OSBPL10: variants seen among roughly 807,000 people sequenced by gnomAD.
OSBPL10 encodes the protein oxysterol binding protein like 10.
In OSBPL10, 49 loss-of-function variants were observed where a neutral mutation model predicts 81.7. The observed-to-expected ratio is 0.60, with a 90% CI of 0.48 to 0.76. The LOEUF is 0.76. OSBPL10 is among the 30% of genes least tolerant of loss of function. The pLI, the probability that OSBPL10 is intolerant of heterozygous loss-of-function variation, is 0.00. For missense variants in OSBPL10, 923 were observed against 987.8 expected (o/e 0.93, Z 0.88); for synonymous variants, 419 against 383.6 (o/e 1.09, Z -1.08).
At chr3:31,840,367 T>G (rs1700461834) in intron 3 of OSBPL10, among the ~76,000 whole-genome samples, 1 of 152,178 alleles carries the variant, frequency 6.6e-6, no homozygotes, top group Non-Finnish European at 1.5e-5. Flanking sequence ...ATTATCTCCT[T>G]CCCAAATGCT....
intron 8 of OSBPL10, among the ~76,000 whole-genome samples, chr3:31,671,508 C>T (rs1212083219): frequency 3.3e-5 from 5 of 152,060 alleles, no homozygotes; most frequent in Non-Finnish European, 7.4e-5. Flanking sequence ...AGGGGTCAGA[C>T]CTTGTCTTTT....
chr3:32,030,764 T>TA (rs1337054126), intron 2 of OSBPL10: 1 of 625,276 alleles, frequency 1.6e-6, no homozygotes, highest in African/African-American at 1.9e-5. Context: ...TTAAGTTACA[T>TA]AAAATATTCT....
chr3:31,824,211 A>C (rs1700047747), intron 4 of OSBPL10, among the ~76,000 whole-genome samples: 2 of 152,130 alleles, frequency 1.3e-5, no homozygotes, highest in Non-Finnish European at 2.9e-5. Context: ...GTTGGGCCTG[A>C]AGAAACAGGA....
intron 7 of OSBPL10, among the ~76,000 whole-genome samples, chr3:31,702,079 T>C (rs1191203277): frequency 6.6e-6 from 1 of 152,088 alleles, no homozygotes; most frequent in Non-Finnish European, 1.5e-5. Context: ...TTCCATACCA[T>C]CTCATATGCT....
chr3:32,056,062 T>G (rs186392187), intron 1 of OSBPL10, among the ~76,000 whole-genome samples: 1 of 152,348 alleles, frequency 6.6e-6, no homozygotes, highest in African/African-American at 2.4e-5. Flanking sequence ...AAGCCAGGTA[T>G]AATAAGATCA....
intron 3 of OSBPL10, among the ~76,000 whole-genome samples, chr3:31,855,611 A>G (rs1196989117): frequency 6.6e-6 from 1 of 152,148 alleles, no homozygotes; most frequent in Non-Finnish European, 1.5e-5. Context: ...TGCCTAGAAC[A>G]TTATGGTACA....
intron 10 of OSBPL10, chr3:31,664,555 T>G: frequency 2.2e-6 from 1 of 449,840 alleles, no homozygotes; most frequent in East Asian, 4.4e-5. Context: ...ATATGGCATT[T>G]GCCATATTTC....
At chr3:31,731,986 CATA>C (rs1696984736) in intron 6 of OSBPL10, among the ~76,000 whole-genome samples, 1 of 152,116 alleles carries the variant, frequency 6.6e-6, no homozygotes, top group African/African-American at 2.4e-5. Flanking sequence ...TAGCATGAGC[CATA>C]ATAAGTAAGT....
At chr3:31,916,452 G>T (rs747519470) in intron 1 of OSBPL10, among the ~76,000 whole-genome samples, 3 of 152,122 alleles carry the variant, frequency 2.0e-5, no homozygotes, top group Non-Finnish European at 4.4e-5. Flanking sequence ...CAACAGGTTG[G>T]TTATAAGCAT....
intron 4 of OSBPL10, among the ~76,000 whole-genome samples, chr3:31,812,712 C>CAA (rs563030191): frequency 2.9e-5 from 1 of 34,204 alleles, no homozygotes; most frequent in Non-Finnish European, 5.6e-5. Context: ...ACACAGTAGG[C>CAA]AAAAAAAAAG....
chr3:31,833,105 T>C (rs1700285823), intron 3 of OSBPL10, among the ~76,000 whole-genome samples: 2 of 152,184 alleles, frequency 1.3e-5, no homozygotes, highest in South Asian at 2.1e-4. Context: ...ACTTGGAGAG[T>C]AGAGGGAGAA....
chr3:31,880,022 G>A (rs1404028657), intron 1 of OSBPL10, among the ~76,000 whole-genome samples, 192 bp from the exon 2 acceptor site: 1 of 152,198 alleles, frequency 6.6e-6, no homozygotes, highest in Non-Finnish European at 1.5e-5. Flanking sequence ...TTAAATCAGA[G>A]TGGCGCTCAT....
At chr3:31,755,699 C>T (rs1413158506) in intron 4 of OSBPL10, among the ~76,000 whole-genome samples, 1 of 152,186 alleles carries the variant, frequency 6.6e-6, no homozygotes, top group Non-Finnish European at 1.5e-5. Flanking sequence ...GAAAGGACAA[C>T]CCAAAGACCC....
At chr3:31,830,258 TCAA>T in intron 3 of OSBPL10, 27 bp from the exon 4 acceptor site, 8 of 1,593,770 alleles carry the variant, frequency 5.0e-6, no homozygotes, top group Non-Finnish European at 6.8e-6. Context: ...GTGTCAAAAC[TCAA>T]CAACTGACCT....
intron 2 of OSBPL10, chr3:31,989,256 C>T (rs558504636): frequency 6.2e-7 from 1 of 1,614,148 alleles, no homozygotes; most frequent in East Asian, 2.2e-5. Flanking sequence ...ACTACAGGAA[C>T]CTGCATTCTG....
chr3:32,027,877 A>G (rs1284194288), intron 2 of OSBPL10, among the ~76,000 whole-genome samples: 1 of 152,178 alleles, frequency 6.6e-6, no homozygotes. Context: ...AGCTTTTCTC[A>G]AAGCAAGAGA....
intron 6 of OSBPL10, among the ~76,000 whole-genome samples, chr3:31,725,093 CT>C (rs1395200337): frequency 6.6e-6 from 1 of 152,142 alleles, no homozygotes; most frequent in Non-Finnish European, 1.5e-5. Context: ...ATAATTATAA[CT>C]ATTATGAAAC....
intron 7 of OSBPL10, among the ~76,000 whole-genome samples, chr3:31,692,798 C>T (rs1339002596): frequency 6.6e-6 from 1 of 152,188 alleles, no homozygotes; most frequent in African/African-American, 2.4e-5. Context: ...ACAATGGCTA[C>T]GTCAGTGGAG....
At chr3:31,775,731 G>A (rs1698531173) in intron 4 of OSBPL10, among the ~76,000 whole-genome samples, 1 of 152,124 alleles carries the variant, frequency 6.6e-6, no homozygotes, top group Admixed American at 6.6e-5. Context: ...GTAGATGCCT[G>A]TAGGGAAGGA....
Sources: gnomAD v4.1 joint callset for allele counts (sites outside exome capture counted in the v4.1 genomes callset) on GRCh38, gnomAD v4.1.1 for gene constraint, MANE v1.5 for transcripts, NCBI Gene and HGNC (gene_info 2026-07-23, HGNC 2026-07-21) for gene names.